Variants in BTBD9 observed in about 807,000 individuals in gnomAD.
The protein encoded by BTBD9 is BTB domain containing 9.
In BTBD9, 49 loss-of-function variants were observed where a neutral mutation model predicts 64.3. That is an observed-to-expected ratio of 0.76 (90% CI 0.61 to 0.97). The LOEUF (loss-of-function observed/expected upper bound fraction) is 0.97. Ranked by LOEUF, BTBD9 falls within the 50% of genes least tolerant of loss-of-function variation. The pLI, the probability that BTBD9 is intolerant of heterozygous loss-of-function variation, is 0.00. For missense variants in BTBD9, 598 were observed against 762.1 expected (o/e 0.78, Z 2.53); for synonymous variants, 260 against 274.7 (o/e 0.95, Z 0.53).
intron 7 of BTBD9, among the ~76,000 whole-genome samples, chr6:38,328,589 GTGT>G (rs1763534864): frequency 1.3e-5 from 2 of 151,192 alleles, no homozygotes; most frequent in Non-Finnish European, 2.9e-5. Flanking sequence ...GTGTGTGTGT[GTGT>G]GTGTGTGTGT....
Position 38,182,865 on chromosome 6 carries a change from G to C in BTBD9, c.1642-7683C>G, listed in dbSNP as rs536639788. On this transcript the variant is annotated intron_variant, in intron 10 of 10. Transcript: ENST00000481247. ...CTCCAATATGACAGGTCTAAGGATT[G>C]TGCAGTGTCTGAAACAACCATATGT... Among the ~76,000 whole-genome samples the C allele has an allele frequency of 4.6e-5, 7 of 152,276 alleles. No individual in the cohort carries two copies. In the East Asian group the frequency reaches 1.4e-3, roughly 29 times the overall value.
chr6:38,464,075 C>T (rs78442005), intron 6 of BTBD9, among the ~76,000 whole-genome samples: 3,603 of 152,116 alleles, frequency 0.024, 121 homozygotes, highest in African/African-American at 0.082. Context: ...AGGGTAGGCT[C>T]TAATCTGAGA....
intron 7 of BTBD9, among the ~76,000 whole-genome samples, chr6:38,344,374 T>C (rs144426785): frequency 1.6e-4 from 24 of 152,264 alleles, no homozygotes; most frequent in African/African-American, 4.6e-4. Flanking sequence ...AAAATCCTCT[T>C]TCCAAATATC....
chr6:38,622,841 T>A (rs1297389567), intron 1 of BTBD9, among the ~76,000 whole-genome samples: 1 of 152,166 alleles, frequency 6.6e-6, no homozygotes, highest in African/African-American at 2.4e-5. Context: ...TGCTTCACAG[T>A]CTGGGTTTTG....
intron 6 of BTBD9, among the ~76,000 whole-genome samples, chr6:38,469,555 C>T (rs1040709518): frequency 6.6e-6 from 1 of 152,064 alleles, no homozygotes; most frequent in Admixed American, 6.6e-5. Context: ...CTCCTGACCT[C>T]ATGATCCGCC....
intron 8 of BTBD9, among the ~76,000 whole-genome samples, chr6:38,270,958 A>T (rs1040296335): frequency 6.6e-6 from 1 of 152,166 alleles, no homozygotes; most frequent in Non-Finnish European, 1.5e-5. Flanking sequence ...GATAGGGGAA[A>T]GGAGGGAGAT....
intron 6 of BTBD9, among the ~76,000 whole-genome samples, chr6:38,459,431 TTG>T (rs936914803): frequency 1.3e-5 from 2 of 152,180 alleles, no homozygotes; most frequent in African/African-American, 4.8e-5. Context: ...GGCCAATGGG[TTG>T]TGAGTTGAAG....
At chr6:38,254,739 T>C (rs1349722027) in intron 9 of BTBD9, among the ~76,000 whole-genome samples, 2 of 152,188 alleles carry the variant, frequency 1.3e-5, no homozygotes, top group African/African-American at 4.8e-5. Context: ...CTAGGATGGC[T>C]ATGGTCAAAA....
At position 38,502,041 on chromosome 6, in the gene BTBD9, C is replaced by T. The variant is rs905268426; in HGVS notation, c.1154+75559G>A. Among the ~76,000 whole-genome samples, 4 of 152,266 alleles carry T rather than the reference C, an allele frequency of 2.6e-5. No homozygotes were observed. In the South Asian group the frequency reaches 8.3e-4, roughly 32 times the overall value. ...CTACTGGTATAGAGATAGCAATCTG[C>T]AATATCCTGGTGTCAATGAGAAGCT... On this transcript the variant is annotated intron_variant, in intron 6 of 10. Transcript: ENST00000481247.
chr6:38,497,441 T>C (rs975386939), intron 6 of BTBD9, among the ~76,000 whole-genome samples: 2 of 152,170 alleles, frequency 1.3e-5, no homozygotes, highest in African/African-American at 4.8e-5. Context: ...GATGCAACAT[T>C]CAGTAAGATG....
At chr6:38,627,525 T>A (rs1277941934) in intron 1 of BTBD9, among the ~76,000 whole-genome samples, 1 of 152,144 alleles carries the variant, frequency 6.6e-6, no homozygotes, top group South Asian at 2.1e-4. Flanking sequence ...GGACACTCCA[T>A]TAAGGCAGAT....
At chr6:38,552,039 C>A (rs1001019530) in intron 6 of BTBD9, among the ~76,000 whole-genome samples, 11 of 152,262 alleles carry the variant, frequency 7.2e-5, no homozygotes, top group African/African-American at 1.9e-4. Flanking sequence ...TTTACATTTA[C>A]AGAAAATAAG....
chr6:38,196,189 T>C (rs1030396312), intron 9 of BTBD9, among the ~76,000 whole-genome samples: 5 of 152,226 alleles, frequency 3.3e-5, no homozygotes, highest in African/African-American at 1.2e-4. Context: ...TGGCTGCCAG[T>C]GTTTGAATCT....
chr6:38,493,843 A>G (rs1771809426), intron 6 of BTBD9, among the ~76,000 whole-genome samples: 4 of 152,222 alleles, frequency 2.6e-5, no homozygotes, highest in Admixed American at 2.0e-4. Context: ...TTTAACTTTA[A>G]TTAGTCACAT....
intron 7 of BTBD9, among the ~76,000 whole-genome samples, chr6:38,317,246 C>T (rs1271647551): frequency 2.0e-5 from 3 of 152,098 alleles, no homozygotes; most frequent in East Asian, 1.9e-4. Flanking sequence ...CTACCAGCCT[C>T]GGCCTCCCAA....
chr6:38,253,214 A>G (rs1291482901), intron 9 of BTBD9, among the ~76,000 whole-genome samples: 7 of 152,226 alleles, frequency 4.6e-5, no homozygotes, highest in Non-Finnish European at 7.3e-5. Context: ...TCCAAGACTG[A>G]GTAACTGATA....
chr6:38,526,228 G>T (rs1773482962), intron 6 of BTBD9, among the ~76,000 whole-genome samples: 1 of 152,216 alleles, frequency 6.6e-6, no homozygotes, highest in Non-Finnish European at 1.5e-5. Context: ...AGTGGCCAAG[G>T]TACAGCTTGG....
chr6:38,456,874 G>C (rs1263354863), intron 6 of BTBD9, among the ~76,000 whole-genome samples: 1 of 152,094 alleles, frequency 6.6e-6, no homozygotes, highest in African/African-American at 2.4e-5. Context: ...CAAACAATTT[G>C]CCATACCCTT....
intron 6 of BTBD9, among the ~76,000 whole-genome samples, chr6:38,393,337 G>A (rs891143593): frequency 7.9e-5 from 12 of 152,192 alleles, no homozygotes; most frequent in Non-Finnish European, 1.8e-4. Context: ...CAACATTGTC[G>A]ACAAGTCTCC....
Sources: allele counts gnomAD v4.1 joint callset (sites outside exome capture counted in the v4.1 genomes callset), GRCh38; gene constraint gnomAD v4.1.1; transcripts MANE v1.5; gene names NCBI Gene and HGNC (gene_info 2026-07-23, HGNC 2026-07-21).